Variants in PCDHA9 observed in about 807,000 individuals in gnomAD.
PCDHA9 encodes the protein protocadherin alpha-9.
In PCDHA9, 62 loss-of-function variants were observed where a neutral mutation model predicts 62.0. The observed-to-expected ratio is 1.00, with a 90% CI of 0.81 to 1.23. The LOEUF is 1.23. PCDHA9 is among the 50% of genes most tolerant of loss of function. The pLI, the probability that PCDHA9 is intolerant of heterozygous loss-of-function variation, is 0.00. For synonymous variants in PCDHA9, 557 were observed against 567.6 expected (o/e 0.98, Z 0.27); for missense variants, 1,205 against 1,249.8 (o/e 0.96, Z 0.54).
At chr5:140,956,132 C>A (rs782171826) in intron 1 of PCDHA9, among the ~76,000 whole-genome samples, 1 of 152,028 alleles carries the variant, frequency 6.6e-6, no homozygotes, top group African/African-American at 2.4e-5. Context: ...ATTTGAATAC[C>A]CTTTATTTCT....
chr5:140,988,051 T>C (rs903060920), intron 3 of PCDHA9, among the ~76,000 whole-genome samples: 2 of 152,240 alleles, frequency 1.3e-5, no homozygotes, highest in African/African-American at 2.4e-5. Flanking sequence ...TTAGGAGCAC[T>C]GTCAACATGA....
rs560557725 is a variant in PCDHA9, at chr5:141,005,418, G to T, written c.2543-4209G>T. Among the ~76,000 whole-genome samples, 149 of 152,250 alleles carry T rather than the reference G, an allele frequency of 9.8e-4. 1 individual carries two copies. The highest frequency in any genetic ancestry group is 3.5e-3 in the African/African-American group (145 of 41,544). On this transcript the variant is annotated intron_variant, in intron 3 of 3. Transcript: ENST00000532602. ...ACAGACTTGAAGAGTGAGGAGTCAT[G>T]CTAAGAATGGATGAGAGGCTCACGC...
chr5:141,009,011 T>C (rs1461112133), intron 3 of PCDHA9, among the ~76,000 whole-genome samples: 1 of 152,256 alleles, frequency 6.6e-6, no homozygotes, highest in East Asian at 1.9e-4. Context: ...ATATTTTGCC[T>C]TTAGGCTCTG....
intron 3 of PCDHA9, among the ~76,000 whole-genome samples, chr5:140,983,792 ATG>A (rs1384223147): frequency 6.6e-6 from 1 of 152,212 alleles, no homozygotes; most frequent in Non-Finnish European, 1.5e-5. Context: ...AGATGACAGA[ATG>A]TGTGTGTAAA....
chr5:140,992,400 T>C (rs1019164556), intron 3 of PCDHA9, among the ~76,000 whole-genome samples: 1 of 152,124 alleles, frequency 6.6e-6, no homozygotes, highest in Admixed American at 6.5e-5. Context: ...CTTAGAGATA[T>C]TGTTCTGCCC....
chr5:140,968,526 C>G, intron 1 of PCDHA9: 3 of 1,614,200 alleles, frequency 1.9e-6, no homozygotes, highest in Middle Eastern at 1.6e-4. Context: ...TCAACCAACT[C>G]GTCAGCAGCC....
Position 140,927,198 on chromosome 5 carries a change from G to T in PCDHA9, c.2395-51751G>T. On this transcript the variant is annotated intron_variant, in intron 1 of 3. Transcript: ENST00000532602. ...TCTTGACCTACGACCTGGTGCTCGA[G>T]GACCCGCTGGAGCTGCACAAGATTC... 3 of 1,614,162 alleles carry T rather than the reference G, an allele frequency of 1.9e-6. No homozygotes were observed. In the South Asian group the frequency reaches 3.3e-5, roughly 18 times the overall value.
chr5:140,903,124 T>C (rs1554190771), intron 1 of PCDHA9, among the ~76,000 whole-genome samples: 1 of 152,234 alleles, frequency 6.6e-6, no homozygotes, highest in Non-Finnish European at 1.5e-5. Context: ...TCTAAATCTT[T>C]AAGAAATCTC....
intron 1 of PCDHA9, among the ~76,000 whole-genome samples, chr5:140,915,711 C>T (rs1159509465): frequency 1.3e-5 from 2 of 151,812 alleles, no homozygotes; most frequent in African/African-American, 2.4e-5. Flanking sequence ...CTCCTGTGGC[C>T]CCCACTTTGG....
At chr5:140,941,563 C>T (rs2093116700) in intron 1 of PCDHA9, among the ~76,000 whole-genome samples, 1 of 151,946 alleles carries the variant, frequency 6.6e-6, no homozygotes, top group Admixed American at 6.6e-5. Context: ...GATCCATTCG[C>T]CTCAGCCTCC....
At chr5:140,884,667 G>A (rs1304262646) in intron 1 of PCDHA9, 4 of 1,568,684 alleles carry the variant, frequency 2.5e-6, no homozygotes, top group Non-Finnish European at 2.6e-6. Context: ...AAAGAGGTAA[G>A]CTTATATTTT....
intron 1 of PCDHA9, among the ~76,000 whole-genome samples, chr5:140,946,325 A>G (rs2093929113): frequency 6.6e-6 from 1 of 151,932 alleles, no homozygotes; most frequent in Non-Finnish European, 1.5e-5. Context: ...TGAAAGAGGA[A>G]AGATAACAAG....
At chr5:141,002,468 C>G (rs369108082) in intron 3 of PCDHA9, among the ~76,000 whole-genome samples, 2 of 152,334 alleles carry the variant, frequency 1.3e-5, no homozygotes, top group Middle Eastern at 3.4e-3. Flanking sequence ...AACGCTTTAG[C>G]ATTTTCAAAG....
At chr5:140,882,331 C>G (rs781801545) in intron 1 of PCDHA9, 3 of 1,614,214 alleles carry the variant, frequency 1.9e-6, no homozygotes, top group South Asian at 1.1e-5. Flanking sequence ...TTCTGATCCT[C>G]GCAGCCTGGG....
At chr5:140,937,284 G>A (rs1473374286) in intron 1 of PCDHA9, among the ~76,000 whole-genome samples, 2 of 151,964 alleles carry the variant, frequency 1.3e-5, no homozygotes, top group South Asian at 2.1e-4. Context: ...TGATTCACCC[G>A]CTTCGGCCTC....
In PCDHA9 at chr5:140,850,814, C is replaced by T; in HGVS notation, c.2319C>T (p.Ser773=). ...GKQKTDLMAF[S]PGLSPCAGST... is the part of the protein sequence containing the mutation. ...AGAAGACCGACCTCATGGCCTTCAGCCCGGGCCTTTCTCCTTGTGCTGGAT... is the reference window on the plus strand; with the variant it reads ...AGAAGACCGACCTCATGGCCTTCAGTCCGGGCCTTTCTCCTTGTGCTGGAT... Residue 773 remains serine (S), a synonymous_variant, in exon 1 of 4, where the codon AGC becomes AGT. Transcript: ENST00000532602. 6.3e-7 allele frequency: 1 copy of T among 1,598,286 alleles called. No homozygotes were observed. The highest frequency in any genetic ancestry group is 1.1e-5 in the South Asian group (1 of 90,542).
chr5:140,928,262 A>G, intron 1 of PCDHA9: 1 of 1,614,214 alleles, frequency 6.2e-7, no homozygotes, highest in Non-Finnish European at 8.5e-7. Flanking sequence ...GTTGCTGAAA[A>G]CAATGGCCCT....
At chr5:140,961,604 T>C (rs2095623962) in intron 1 of PCDHA9, among the ~76,000 whole-genome samples, 1 of 152,190 alleles carries the variant, frequency 6.6e-6, no homozygotes, top group Non-Finnish European at 1.5e-5. Context: ...TTCTAGTAAA[T>C]GAAACTAAAG....
chr5:140,885,592 G>A (rs1428219345), intron 1 of PCDHA9, among the ~76,000 whole-genome samples: 1 of 152,102 alleles, frequency 6.6e-6, no homozygotes, highest in Non-Finnish European at 1.5e-5. Context: ...ATGCATCAAA[G>A]ATATTAATAA....
Sources: allele counts gnomAD v4.1 joint callset (sites outside exome capture counted in the v4.1 genomes callset), GRCh38; gene constraint gnomAD v4.1.1; transcripts MANE v1.5; gene names NCBI Gene and HGNC (gene_info 2026-07-23, HGNC 2026-07-21).